The following STMN3 variants were observed in gnomAD, a reference collection of about 807,000 sequenced individuals.
STMN3 encodes the protein stathmin-3.
Under a neutral mutation model 23.2 loss-of-function variants are expected in STMN3, and 24 were observed. That is an observed-to-expected ratio of 1.03 (90% CI 0.75 to 1.45). STMN3 has a LOEUF of 1.45. Among genes scored for constraint, STMN3 ranks in the 40% most tolerant of loss-of-function variants. The pLI is 0.00. For synonymous variants in STMN3, 117 were observed against 103.4 expected, an observed-to-expected ratio of 1.13 and a Z score of -0.80; for missense variants, 235 against 237.6, an observed-to-expected ratio of 0.99 and a Z score of 0.07.
In STMN3 at chr20:63,643,812, CCTT is replaced by C. The variant is rs773184607; in HGVS notation, c.232_234del (p.Lys78del). 64 of 1,561,884 alleles carry C rather than the reference CCTT, an allele frequency of 4.1e-5. No individual in the cohort carries two copies. In the Middle Eastern group the frequency reaches 5.1e-4, roughly 12 times the overall value. Reference sequence around the variant, plus strand: ...TTTTGCAGCTCCTCCAGGGAGGTGTCCTTCTTCTTGGGTGGGGAGGAGAGCATA... The same window carrying C: ...TTTTGCAGCTCCTCCAGGGAGGTGTCCTTCTTGGGTGGGGAGGAGAGCATA... On this transcript the variant is annotated inframe_deletion, in exon 3 of 5. Coordinates refer to ENST00000370053, the MANE Select transcript of STMN3 (RefSeq NM_015894.4).
At position 63,652,500 on chromosome 20, in the gene STMN3, C is replaced by G; in HGVS notation, c.19+827G>C. 5.5e-6 allele frequency: 5 copies of G among 913,038 alleles called. No individual in the cohort carries two copies. Among genetic ancestry groups the G allele is most frequent in the Non-Finnish European group, 6.5e-6 (5 of 763,848 alleles). The allele number at this position is 913,038 out of a possible 1,614,324, so 56.6% of individuals were successfully genotyped here. ...CTCCCCTGCGTCCAGAATCCGCCCC[C>G]CGCCCGGGCCTGCGCCCGCCCCTCC... is the stretch of plus-strand genomic sequence containing the variant. On this transcript the variant is annotated intron_variant, in intron 1 of 4. Transcript: ENST00000370053. This position sits in a 1 kb window ranked among gnomAD's most constrained non-coding sequence, Gnocchi z 5.3.
Position 63,640,106 on chromosome 20 carries a change from G to C in STMN3, c.*1232C>G, listed in dbSNP as rs1466217211. 1 of 152,858 alleles carries C rather than the reference G, an allele frequency of 6.5e-6. No homozygotes were observed. The highest frequency in any genetic ancestry group is 1.5e-5 in the Non-Finnish European group (1 of 68,138). 9.5% of individuals were successfully genotyped at this position (152,858 alleles called of 1,614,324 possible). On this transcript the variant is annotated 3_prime_UTR_variant, in exon 5 of 5. Coordinates refer to ENST00000370053, the MANE Select transcript of STMN3 (RefSeq NM_015894.4). ...AGGGCCCTGGCTCTGGGTCCTAAGAGAACTCAGCCGCCCCCTTCACACTTT... is the reference window on the plus strand; with the variant it reads ...AGGGCCCTGGCTCTGGGTCCTAAGACAACTCAGCCGCCCCCTTCACACTTT...
chr20:63,647,893 C>T (rs144198777), intron 1 of STMN3, among the ~76,000 whole-genome samples: 12 of 108,184 alleles, frequency 1.1e-4, no homozygotes, highest in African/African-American at 2.7e-4. Context: ...AATATATATA[C>T]GTATATATAC....
chr20:63,652,351 G>T lies in STMN3; in HGVS notation c.19+976C>A. The T allele has an allele frequency of 6.4e-6, 1 of 157,082 alleles. No homozygotes were observed. Among genetic ancestry groups the T allele is most frequent in the Non-Finnish European group, 1.4e-5 (1 of 72,318 alleles). 9.7% of individuals were successfully genotyped at this position (157,082 alleles called of 1,614,324 possible). A position where few individuals can be genotyped will look rare whatever the true frequency, so the allele number is the denominator to read the frequency against. On this transcript the variant is annotated intron_variant, in intron 1 of 4. Transcript: ENST00000370053. The surrounding 1 kb of genome is among the most constrained non-coding windows in gnomAD (Gnocchi z 5.3). Reference sequence around the variant, plus strand: ...GGGGGCGGCGATGGGAAGGAGGTGCGGCCCTTCGTCCTGTCCTCCCAAACG... The same window carrying T: ...GGGGGCGGCGATGGGAAGGAGGTGCTGCCCTTCGTCCTGTCCTCCCAAACG...
chr20:63,644,164 T>G (rs765826343), intron 2 of STMN3, 50 bp downstream of exon 2: 1 of 1,534,482 alleles, frequency 6.5e-7, no homozygotes, highest in African/African-American at 1.4e-5. Context: ...GGGGAAAAGG[T>G]GAGGTGGGCA....
intron 1 of STMN3, among the ~76,000 whole-genome samples, chr20:63,650,327 G>T (rs911515086): frequency 6.6e-6 from 1 of 152,190 alleles, no homozygotes; most frequent in African/African-American, 2.4e-5. Flanking sequence ...CCGAGGAAAT[G>T]CGGATTGGCC....
In STMN3 at chr20:63,641,110, C is replaced by G; in HGVS notation, c.*228G>C. 3 of 615,614 alleles carry G rather than the reference C, an allele frequency of 4.9e-6. No individual in the cohort carries two copies. Among genetic ancestry groups the G allele is most frequent in the Non-Finnish European group, 8.9e-6 (3 of 336,718 alleles). The allele number at this position is 615,614 out of a possible 1,614,324, so 38.1% of individuals were successfully genotyped here. On this transcript the variant is annotated 3_prime_UTR_variant, in exon 5 of 5. Transcript: ENST00000370053. ...GACCCAGCCGCGCCCGGCCTGGTGT[C>G]TGCACCGAGGGACCGCGTCTCACGC...
chr20:63,651,522 T>C (rs2089858703), intron 1 of STMN3, among the ~76,000 whole-genome samples: 1 of 152,138 alleles, frequency 6.6e-6, no homozygotes, highest in Non-Finnish European at 1.5e-5. Flanking sequence ...CTTCTCATGG[T>C]GCCAGGAGCA....
In STMN3 at chr20:63,642,262, C is replaced by T. The variant is rs1225305233; in HGVS notation, c.329G>A (p.Arg110Gln). 1.3e-6 allele frequency: 2 copies of T among 1,544,794 alleles called. No homozygotes were observed. The highest frequency in any genetic ancestry group is 2.7e-5 in the East Asian group (1 of 36,996). The part of the protein sequence containing the change: ...EAQVLKQLAE[R>Q]REHEREVLHK... ...CAGCACCTCGCGCTCGTGCTCGCGC[C>T]GCTCCGCCAGCTGCTTCAGCACCTG... The change falls in exon 4 of 5, where the codon CGG becomes CAG. Residue 110 changes from arginine (R) to glutamine (Q), a missense_variant. Physicochemically the swap from Arg to Gln is conservative, Grantham distance 43. Coordinates refer to ENST00000370053, the MANE Select transcript of STMN3 (RefSeq NM_015894.4).
intron 1 of STMN3, among the ~76,000 whole-genome samples, chr20:63,647,919 AAT>A (rs1424862937): frequency 1.3e-4 from 11 of 87,672 alleles, no homozygotes; most frequent in East Asian, 1.1e-3. Context: ...TGTATATATT[AAT>A]ATATATACGT....
chr20:63,647,722 ATT>A (rs2089822188), intron 1 of STMN3, among the ~76,000 whole-genome samples: 2 of 121,674 alleles, frequency 1.6e-5, no homozygotes, highest in Admixed American at 1.7e-4. Flanking sequence ...GTGTATATAT[ATT>A]ATATACATAT....
intron 4 of STMN3, 123 bp downstream of exon 4, chr20:63,641,956 AGCTCCGCCCTGGCCCCGCCCCCGCCCAGT>A (rs2089769604): frequency 3.1e-5 from 2 of 63,548 alleles, no homozygotes; most frequent in African/African-American, 6.3e-5. Context: ...GCCCGCTCCG[AGCTCCGCCCTGGCCCCGCCCCCGCCCAGT>A]GCCCCGCCCC....
At position 63,640,747 on chromosome 20, in the gene STMN3, T is replaced by C. The variant is rs540063787; in HGVS notation, c.*591A>G. The C allele has an allele frequency of 3.2e-5, 6 of 188,392 alleles. No individual in the cohort carries two copies. In the South Asian group the frequency reaches 5.0e-4, roughly 16 times the overall value. 11.7% of individuals were successfully genotyped at this position (188,392 alleles called of 1,614,324 possible). A position where few individuals can be genotyped will look rare whatever the true frequency, so the allele number is the denominator to read the frequency against. On this transcript the variant is annotated 3_prime_UTR_variant, in exon 5 of 5. Transcript: ENST00000370053. ...TCCAGGAAGGCCCAGGGTGTCCACC[T>C]CACGCCAGGTGGTCTCAGAGGACCC... is the stretch of plus-strand genomic sequence containing the variant.
chr20:63,647,522 G>C (rs1450324165), intron 1 of STMN3, among the ~76,000 whole-genome samples: 5 of 148,210 alleles, frequency 3.4e-5, no homozygotes, highest in Admixed American at 2.0e-4. Flanking sequence ...AGACTGAGAC[G>C]GGAGAATCGC....
At chr20:63,647,385 G>A (rs763475243) in intron 1 of STMN3, among the ~76,000 whole-genome samples, 1 of 150,166 alleles carries the variant, frequency 6.7e-6, no homozygotes, top group Non-Finnish European at 1.5e-5. Flanking sequence ...GAGGGGCCAA[G>A]GCGGGCAGAT....
chr20:63,651,894 G>A (rs1198304140), intron 1 of STMN3, among the ~76,000 whole-genome samples: 1 of 152,156 alleles, frequency 6.6e-6, no homozygotes, highest in Non-Finnish European at 1.5e-5. Context: ...TCAGCCCCAG[G>A]AACCGAGCCC....
rs1162246554 is a variant in STMN3 at position 63,641,358 on chromosome 20, G to C, written c.523C>G (p.Arg175Gly). 3 of 1,570,058 alleles carry C rather than the reference G, an allele frequency of 1.9e-6. No homozygotes were observed. The highest frequency in any genetic ancestry group is 2.7e-5 in the African/African-American group (2 of 73,874). The change falls in exon 5 of 5, where the codon CGA (arginine) becomes GGA (glycine). Residue 175 changes from arginine (R) to glycine (G), a missense_variant. By Grantham distance (125) the Arg-to-Gly change is moderately radical. Coordinates refer to ENST00000370053, the MANE Select transcript of STMN3 (RefSeq NM_015894.4). The stretch of plus-strand genomic sequence containing the variant: ...GGCCCTTAGCCCGACATCTCTTCTC[G>C]CTGCTCCTTGTTCCTGCGCACCTCG... ...AAEVRRNKEQREEMSG is the reference protein window; with the variant it reads ...AAEVRRNKEQGEEMSG
intron 1 of STMN3, among the ~76,000 whole-genome samples, chr20:63,647,785 T>C (rs1249298890): frequency 1.6e-5 from 2 of 127,328 alleles, no homozygotes; most frequent in Non-Finnish European, 3.4e-5. Context: ...CGTGTATATA[T>C]ATAATATATA....
chr20:63,652,886 G>C lies in STMN3; in HGVS notation c.19+441C>G, dbSNP rs574131895. On this transcript the variant is annotated intron_variant, in intron 1 of 4. Coordinates refer to ENST00000370053, the MANE Select transcript of STMN3 (RefSeq NM_015894.4). The surrounding 1 kb of genome is among the most constrained non-coding windows in gnomAD (Gnocchi z 5.3). ...GCGGGGAGCGCCGGGTTCCCGGCTG[G>C]GGCTTTGGCAGAGGGTCCCACCCTC... is the stretch of plus-strand genomic sequence containing the variant. The C allele has an allele frequency of 2.2e-5, 17 of 771,318 alleles. No individual in the cohort carries two copies. The highest frequency in any genetic ancestry group is 6.6e-4 in the Middle Eastern group (1 of 1,516). 47.8% of individuals were successfully genotyped at this position (771,318 alleles called of 1,614,324 possible).
Sources: allele counts gnomAD v4.1 joint callset (sites outside exome capture counted in the v4.1 genomes callset), GRCh38; gene constraint gnomAD v4.1.1; non-coding constraint Gnocchi (gnomAD v3.1); transcripts MANE v1.5; gene names NCBI Gene and HGNC (gene_info 2026-07-23, HGNC 2026-07-21).